SLC7A2: variants seen among roughly 807,000 people sequenced by gnomAD.
SLC7A2 encodes the protein cationic amino acid transporter 2.
SLC7A2 carries 48 observed loss-of-function variants against 58.9 expected under a neutral mutation model. That is an observed-to-expected ratio of 0.82 (90% CI 0.65 to 1.04). SLC7A2 has a LOEUF of 1.04. Among genes scored for constraint, SLC7A2 ranks in the 50% least tolerant of loss-of-function variants. The pLI, the probability that SLC7A2 is intolerant of heterozygous loss-of-function variation, is 0.00. For synonymous variants in SLC7A2, 363 were observed against 314.5 expected, an observed-to-expected ratio of 1.15 and a Z score of -1.63; for missense variants, 1,029 against 818.8, an observed-to-expected ratio of 1.26 and a Z score of -3.13.
rs772654354 is a variant in SLC7A2, at chr8:17,543,328, T to G, written c.-12T>G. ...CTCCCTTCTGCTCAGGTCGCCTTCGTCAGACGTCAGAATGATTCCTTGCAG... is the reference window on the plus strand; with the variant it reads ...CTCCCTTCTGCTCAGGTCGCCTTCGGCAGACGTCAGAATGATTCCTTGCAG... On this transcript the variant is annotated 5_prime_UTR_variant, in exon 3 of 13. Coordinates refer to ENST00000494857, the MANE Select transcript of SLC7A2 (RefSeq NM_001370338.1). 67 of 1,603,800 alleles carry G rather than the reference T, an allele frequency of 4.2e-5. No individual in the cohort carries two copies. Among genetic ancestry groups the G allele is most frequent in the Non-Finnish European group, 4.4e-5 (52 of 1,175,104 alleles).
chr8:17,535,465 C>G (rs1040271104), intron 2 of SLC7A2, among the ~76,000 whole-genome samples: 4 of 152,138 alleles, frequency 2.6e-5, no homozygotes, highest in Admixed American at 6.5e-5. Context: ...TCTCATATTG[C>G]AATGGCCATC....
chr8:17,522,910 C>G (rs1801073859), intron 2 of SLC7A2, among the ~76,000 whole-genome samples: 2 of 152,054 alleles, frequency 1.3e-5, no homozygotes, highest in South Asian at 4.2e-4. Flanking sequence ...GGAGGGTGCC[C>G]CCGTATCCCA....
intron 10 of SLC7A2, among the ~76,000 whole-genome samples, chr8:17,561,449 C>T (rs1472013595): frequency 6.6e-6 from 1 of 152,162 alleles, no homozygotes; most frequent in Non-Finnish European, 1.5e-5. Context: ...AAACCGCTTA[C>T]TGTTCAATTA....
intron 7 of SLC7A2, among the ~76,000 whole-genome samples, chr8:17,553,906 T>C (rs561450232): frequency 2.6e-5 from 4 of 152,332 alleles, no homozygotes; most frequent in Non-Finnish European, 5.9e-5. Context: ...CTTCCGAACA[T>C]CTCAAGCAAA....
chr8:17,518,738 A>T (rs936650598), intron 2 of SLC7A2, among the ~76,000 whole-genome samples: 1 of 152,182 alleles, frequency 6.6e-6, no homozygotes, highest in Non-Finnish European at 1.5e-5. Flanking sequence ...GGAGAGTCAG[A>T]CAGACTTGAT....
At chr8:17,564,537 G>A (rs1380194151) in intron 12 of SLC7A2, among the ~76,000 whole-genome samples, 1 of 152,152 alleles carries the variant, frequency 6.6e-6, no homozygotes, top group African/African-American at 2.4e-5. Context: ...GTTTTTCCAT[G>A]GACAGGGTGG....
chr8:17,560,278 G>C, intron 9 of SLC7A2, 50 bp from the exon 10 acceptor site: 1 of 1,452,658 alleles, frequency 6.9e-7, no homozygotes, highest in East Asian at 2.3e-5. Context: ...GTTTCACTTG[G>C]GCCAAATGTC....
intron 1 of SLC7A2, among the ~76,000 whole-genome samples, chr8:17,500,830 A>G (rs1800128733): frequency 6.6e-6 from 1 of 151,246 alleles, no homozygotes; most frequent in African/African-American, 2.4e-5. Flanking sequence ...ACACACACAC[A>G]CACACACACA....
At chr8:17,538,280 C>G (rs768684532) in intron 2 of SLC7A2, among the ~76,000 whole-genome samples, 6 of 152,170 alleles carry the variant, frequency 3.9e-5, no homozygotes, top group Non-Finnish European at 7.3e-5. Flanking sequence ...TATGTCTACA[C>G]TTGCACGAAC....
chr8:17,532,241 AAAAAAAAAAAAAAAAAAACC>A (rs917642914), intron 2 of SLC7A2, among the ~76,000 whole-genome samples: 3 of 110,576 alleles, frequency 2.7e-5, no homozygotes, highest in African/African-American at 9.4e-5. Flanking sequence ...AAAAAAAAAA[AAAAAAAAAAAAAAAAAAACC>A]CCAGCAATTC....
At chr8:17,544,698 A>C (rs918697508) in intron 4 of SLC7A2, 92 bp downstream of exon 4, 1 of 1,067,452 alleles carries the variant, frequency 9.4e-7, no homozygotes, top group Non-Finnish European at 1.4e-6. Flanking sequence ...CTGAGTTCCC[A>C]AGATGAGATT....
At chr8:17,538,850 A>T in intron 2 of SLC7A2, 1 of 1,613,572 alleles carries the variant, frequency 6.2e-7, no homozygotes, top group Non-Finnish European at 8.5e-7. Flanking sequence ...AGTGGTTATA[A>T]CTCAGACAAA....
At chr8:17,501,219 G>C (rs570529961) in intron 1 of SLC7A2, among the ~76,000 whole-genome samples, 1 of 152,166 alleles carries the variant, frequency 6.6e-6, no homozygotes, top group South Asian at 2.1e-4. Flanking sequence ...TCACCATGTT[G>C]CCCAGGTTGG....
intron 2 of SLC7A2, among the ~76,000 whole-genome samples, chr8:17,535,130 A>C (rs981871033): frequency 6.6e-6 from 1 of 152,126 alleles, no homozygotes; most frequent in Non-Finnish European, 1.5e-5. Flanking sequence ...TCCTATTGCC[A>C]CCAGGGTCAA....
Position 17,565,017 on chromosome 8 carries a change from T to C in SLC7A2, c.1848T>C (p.Asn616=). ...SLEGHLRDEN[N]EEDAYPDNVH... ...AGGGTCATCTGAGAGATGAAAACAA[T>C]GAAGAAGATGCTTATCCAGACAACG... is the stretch of plus-strand genomic sequence containing the variant. The change falls in exon 13 of 13, where the codon AAT becomes AAC. Residue 616 remains asparagine, a synonymous_variant. Coordinates refer to ENST00000494857, the MANE Select transcript of SLC7A2 (RefSeq NM_001370338.1). 6.2e-7 allele frequency: 1 copy of C among 1,613,720 alleles called. No homozygotes were observed. The highest frequency in any genetic ancestry group is 8.5e-7 in the Non-Finnish European group (1 of 1,179,890).
Position 17,551,828 on chromosome 8 carries a change from C to T in SLC7A2, c.897C>T (p.Cys299=), listed in dbSNP as rs1262324037. The change falls in exon 7 of 13, where the codon TGC becomes TGT. Residue 299 remains cysteine, a synonymous_variant. Coordinates refer to ENST00000494857, the MANE Select transcript of SLC7A2 (RefSeq NM_001370338.1). ...PIGIVTSLLV[C]FMAYFGVSAA... ...GAATTGTGACGTCTTTGCTTGTTTGCTTTATGGCCTATTTTGGGGTCTCTG... is the reference window on the plus strand; with the variant it reads ...GAATTGTGACGTCTTTGCTTGTTTGTTTTATGGCCTATTTTGGGGTCTCTG... 1 of 1,613,748 alleles carries T rather than the reference C, an allele frequency of 6.2e-7. No homozygotes were observed. Among genetic ancestry groups the T allele is most frequent in the Non-Finnish European group, 8.5e-7 (1 of 1,179,990 alleles).
At chr8:17,539,439 G>A (rs919884697) in intron 2 of SLC7A2, among the ~76,000 whole-genome samples, 2 of 151,960 alleles carry the variant, frequency 1.3e-5, no homozygotes, top group African/African-American at 2.4e-5. Context: ...CCCTCCCTTC[G>A]CTAATTCTAT....
chr8:17,548,910 G>A, intron 5 of SLC7A2, 67 bp downstream of exon 5: 1 of 1,331,834 alleles, frequency 7.5e-7, no homozygotes, highest in Non-Finnish European at 1.0e-6. Context: ...GGGTGTATTA[G>A]TTCATTTTTA....
chr8:17,569,682 CACGGTTT>C lies in SLC7A2; in HGVS notation c.*4538_*4544del, dbSNP rs1486986084. 1 of 152,082 alleles carries C rather than the reference CACGGTTT, an allele frequency of 6.6e-6. No individual in the cohort carries two copies. The highest frequency in any genetic ancestry group is 1.9e-4 in the East Asian group (1 of 5,184). 9.4% of individuals were successfully genotyped at this position (152,082 alleles called of 1,614,324 possible). On this transcript the variant is annotated 3_prime_UTR_variant, in exon 13 of 13. Coordinates refer to ENST00000494857, the MANE Select transcript of SLC7A2 (RefSeq NM_001370338.1). ...TAATATTCATTATTGTTTGTATATA[CACGGTTT>C]AGTCTTACTGATTTCAAATGCATTT...
Sources: gnomAD v4.1 joint callset for allele counts (sites outside exome capture counted in the v4.1 genomes callset) on GRCh38, gnomAD v4.1.1 for gene constraint, MANE v1.5 for transcripts, NCBI Gene and HGNC (gene_info 2026-07-23, HGNC 2026-07-21) for gene names.